Variants in COG5 observed in about 807,000 individuals in gnomAD.
COG5 encodes the protein component of oligomeric golgi complex 5, also known as conserved oligomeric Golgi complex subunit 5.
In COG5, 86 loss-of-function variants were observed where a neutral mutation model predicts 110.4. The observed-to-expected ratio is 0.78, with a 90% confidence interval of 0.65 to 0.93. COG5 has a LOEUF of 0.93. Among genes scored for constraint, COG5 ranks in the 40% least tolerant of loss-of-function variants. The pLI, the probability that COG5 is intolerant of heterozygous loss-of-function variation, is 0.00. For synonymous variants in COG5, 360 were observed against 334.6 expected (o/e 1.08, Z -0.83); for missense variants, 1,077 against 987.0 (o/e 1.09, Z -1.22).
chr7:107,266,915 G>C (rs1198173490), intron 14 of COG5, among the ~76,000 whole-genome samples: 1 of 152,080 alleles, frequency 6.6e-6, no homozygotes, highest in East Asian at 1.9e-4. Context: ...TTTTTTACTA[G>C]CTATTTACAA....
intron 5 of COG5, among the ~76,000 whole-genome samples, chr7:107,543,364 G>T (rs920648380): frequency 6.6e-6 from 1 of 152,178 alleles, no homozygotes; most frequent in African/African-American, 2.4e-5. Flanking sequence ...ATTGAGCACT[G>T]GACTTTGCCT....
intron 6 of COG5, among the ~76,000 whole-genome samples, chr7:107,441,951 A>C (rs1293535392): frequency 1.3e-5 from 2 of 152,256 alleles, no homozygotes; most frequent in Non-Finnish European, 2.9e-5. Context: ...CTTCTAGCCC[A>C]AACTATGATC....
chr7:107,358,293 T>C (rs1196227951), intron 10 of COG5, among the ~76,000 whole-genome samples: 1 of 152,160 alleles, frequency 6.6e-6, no homozygotes, highest in African/African-American at 2.4e-5. Context: ...GATTCATTTG[T>C]GTAGAAAGCC....
chr7:107,535,624 C>T (rs1801531386), intron 5 of COG5, among the ~76,000 whole-genome samples: 1 of 152,124 alleles, frequency 6.6e-6, no homozygotes, highest in Non-Finnish European at 1.5e-5. Flanking sequence ...GAAGTTGAAT[C>T]CCTGAATAGA....
intron 11 of COG5, among the ~76,000 whole-genome samples, chr7:107,316,513 G>A (rs962187735): frequency 6.6e-5 from 10 of 151,946 alleles, no homozygotes; most frequent in African/African-American, 2.2e-4. Context: ...GGTTTGTAAT[G>A]GTTAAGAAAA....
At chr7:107,345,119 T>G (rs1312410919) in intron 10 of COG5, among the ~76,000 whole-genome samples, 4 of 151,846 alleles carry the variant, frequency 2.6e-5, no homozygotes, top group African/African-American at 9.7e-5. Flanking sequence ...CTGAGGAGAG[T>G]GACAGGGTTG....
intron 5 of COG5, among the ~76,000 whole-genome samples, chr7:107,533,349 G>T (rs1584940555): frequency 6.6e-6 from 1 of 151,582 alleles, no homozygotes; most frequent in African/African-American, 2.4e-5. Context: ...GACTTCAGAA[G>T]GCGGGTAATA....
intron 6 of COG5, among the ~76,000 whole-genome samples, chr7:107,432,714 A>T (rs1030186547): frequency 7.2e-5 from 11 of 152,166 alleles, no homozygotes; most frequent in African/African-American, 2.7e-4. Flanking sequence ...TATTTATAGT[A>T]CATATATTCT....
At chr7:107,344,056 A>G (rs1811394886) in intron 10 of COG5, among the ~76,000 whole-genome samples, 1 of 152,098 alleles carries the variant, frequency 6.6e-6, no homozygotes, top group South Asian at 2.1e-4. Flanking sequence ...GTTTCCACTT[A>G]ATGTTACCAG....
At chr7:107,514,737 G>T (rs1022669681) in intron 6 of COG5, among the ~76,000 whole-genome samples, 1 of 152,162 alleles carries the variant, frequency 6.6e-6, no homozygotes, top group African/African-American at 2.4e-5. Flanking sequence ...TCAGTGTCTG[G>T]AATAGCACAT....
chr7:107,349,659 G>A (rs1362488761), intron 10 of COG5, among the ~76,000 whole-genome samples: 1 of 152,044 alleles, frequency 6.6e-6, no homozygotes, highest in Non-Finnish European at 1.5e-5. Flanking sequence ...CCGGGTTCAC[G>A]CCATTCTCCT....
intron 16 of COG5, among the ~76,000 whole-genome samples, chr7:107,254,600 C>T (rs1486880328): frequency 1.3e-5 from 2 of 152,234 alleles, no homozygotes; most frequent in South Asian, 2.1e-4. Flanking sequence ...CCCAGCTACA[C>T]ACAGCACTGG....
In COG5 at chr7:107,371,612, G is replaced by A. The variant is rs541120761; in HGVS notation, c.835+983C>T. Among the ~76,000 whole-genome samples, 12 of 152,200 alleles carry A rather than the reference G, an allele frequency of 7.9e-5. No homozygotes were observed. In the South Asian group the frequency reaches 2.5e-3, roughly 32 times the overall value. On this transcript the variant is annotated intron_variant, in intron 8 of 21. Transcript: ENST00000297135. The stretch of plus-strand genomic sequence containing the variant: ...AGAAAAACCAGAAACATTAACTATA[G>A]ATAACATTTTGGGAAATTTTCCTGA...
chr7:107,307,371 C>T (rs962068210), intron 11 of COG5, among the ~76,000 whole-genome samples: 1 of 152,150 alleles, frequency 6.6e-6, no homozygotes, highest in Non-Finnish European at 1.5e-5. Context: ...CCTTCCTCTG[C>T]CTTAAGTGCT....
At chr7:107,414,169 T>G (rs1355149437) in intron 6 of COG5, among the ~76,000 whole-genome samples, 1 of 152,228 alleles carries the variant, frequency 6.6e-6, no homozygotes, top group African/African-American at 2.4e-5. Context: ...CTAGTTTAAC[T>G]TTTAAAAATA....
intron 10 of COG5, among the ~76,000 whole-genome samples, chr7:107,339,340 T>C (rs1247364859): frequency 6.6e-6 from 1 of 152,058 alleles, no homozygotes; most frequent in African/African-American, 2.4e-5. Context: ...TAAATATACA[T>C]CCACCCAACA....
In COG5 at chr7:107,294,923, G is replaced by GTATA. The variant is rs1554408053; in HGVS notation, c.1313+3215_1313+3218dup. Reference sequence around the variant, plus strand: ...TGTGTGTGTGTGTGTGTGTGTGTGTGTATATATACACACACACACACACAC... The same window carrying GTATA: ...TGTGTGTGTGTGTGTGTGTGTGTGTGTATATATATATACACACACACACACACAC... On this transcript the variant is annotated intron_variant, in intron 12 of 21. Transcript: ENST00000297135. Among the ~76,000 whole-genome samples, 4 of 82,014 alleles carry GTATA rather than the reference G, an allele frequency of 4.9e-5. 1 individual carries two copies. Among genetic ancestry groups the GTATA allele is most frequent in the African/African-American group, 1.9e-4 (4 of 21,070 alleles). 53.8% of individuals were successfully genotyped at this position (82,014 alleles called of 152,430 possible). A position where few individuals can be genotyped will look rare whatever the true frequency, so the allele number is the denominator to read the frequency against.
At chr7:107,212,168 A>C (rs1343696991) in intron 19 of COG5, among the ~76,000 whole-genome samples, 4 of 152,224 alleles carry the variant, frequency 2.6e-5, no homozygotes, top group Non-Finnish European at 5.9e-5. Flanking sequence ...TAGATACAGA[A>C]TTATTATTAG....
chr7:107,370,616 T>C (rs1814058140), intron 8 of COG5, among the ~76,000 whole-genome samples: 1 of 151,684 alleles, frequency 6.6e-6, no homozygotes, highest in African/African-American at 2.4e-5. Context: ...TGAAACCCCG[T>C]CTCTACTAAA....
Sources: allele counts gnomAD v4.1 joint callset (sites outside exome capture counted in the v4.1 genomes callset), GRCh38; gene constraint gnomAD v4.1.1; transcripts MANE v1.5; gene names NCBI Gene and HGNC (gene_info 2026-07-23, HGNC 2026-07-21).